Variants in SPON1 observed in about 807,000 individuals in gnomAD.
SPON1 encodes the protein spondin-1.
Under a neutral mutation model 111.7 loss-of-function variants are expected in SPON1, and 52 were observed. The observed-to-expected ratio is 0.47, with a 90% confidence interval of 0.37 to 0.59. The LOEUF is 0.59. Ranked by LOEUF, SPON1 falls within the 20% of genes least tolerant of loss-of-function variation. The pLI is 0.00. For synonymous variants in SPON1, 410 were observed against 395.8 expected, an observed-to-expected ratio of 1.04 and a Z score of -0.43; for missense variants, 957 against 1,068.5, an observed-to-expected ratio of 0.90 and a Z score of 1.46.
chr11:14,265,100 T>C (rs537371752), intron 15 of SPON1, among the ~76,000 whole-genome samples: 10 of 152,254 alleles, frequency 6.6e-5, no homozygotes, highest in Middle Eastern at 3.4e-3. Context: ...GGTGGCACAA[T>C]TGGACCAGAC....
At chr11:14,202,369 G>A (rs1346407670) in intron 6 of SPON1, among the ~76,000 whole-genome samples, 1 of 152,174 alleles carries the variant, frequency 6.6e-6, no homozygotes, top group Non-Finnish European at 1.5e-5. Flanking sequence ...TTTAGTGTAT[G>A]CAGCTTCTGT....
chr11:14,204,679 C>G (rs1848498671), intron 6 of SPON1, among the ~76,000 whole-genome samples: 1 of 148,074 alleles, frequency 6.8e-6, no homozygotes, highest in African/African-American at 2.5e-5. Flanking sequence ...AGATAAGATC[C>G]TCCCCATTCT....
At chr11:14,038,620 A>G (rs1848611406) in intron 2 of SPON1, among the ~76,000 whole-genome samples, 1 of 152,260 alleles carries the variant, frequency 6.6e-6, no homozygotes, top group South Asian at 2.1e-4. Context: ...ATCATACGTC[A>G]TTAGGGTGTT....
chr11:14,043,384 T>A (rs11023060), intron 3 of SPON1, among the ~76,000 whole-genome samples: 1 of 151,992 alleles, frequency 6.6e-6, no homozygotes, highest in South Asian at 2.1e-4. Flanking sequence ...AGTTGAAAGT[T>A]GGGGAGGTGG....
chr11:14,024,005 G>A (rs376756344), intron 2 of SPON1, among the ~76,000 whole-genome samples: 36 of 145,204 alleles, frequency 2.5e-4, no homozygotes, highest in Non-Finnish European at 2.1e-4. Flanking sequence ...CCATCTCAAA[G>A]AAAAAAAAAA....
chr11:14,112,534 G>A (rs1554925560), intron 5 of SPON1, among the ~76,000 whole-genome samples: 1 of 152,260 alleles, frequency 6.6e-6, no homozygotes, highest in Non-Finnish European at 1.5e-5. Flanking sequence ...TAGGACTAAT[G>A]TGAGGATGAA....
At chr11:14,129,443 T>C (rs1554927325) in intron 5 of SPON1, among the ~76,000 whole-genome samples, 1 of 152,176 alleles carries the variant, frequency 6.6e-6, no homozygotes, top group African/African-American at 2.4e-5. Context: ...GTGTAGCAAA[T>C]GTAACGTTTA....
intron 7 of SPON1, among the ~76,000 whole-genome samples, chr11:14,246,836 G>A (rs1848996168): frequency 6.6e-6 from 1 of 152,164 alleles, no homozygotes; most frequent in Non-Finnish European, 1.5e-5. Flanking sequence ...GTGCCATTAG[G>A]GGGGTTAGAG....
chr11:14,186,744 G>T (rs1395989874), intron 6 of SPON1, among the ~76,000 whole-genome samples: 1 of 151,982 alleles, frequency 6.6e-6, no homozygotes, highest in Admixed American at 6.6e-5. Context: ...TCAAATTTTT[G>T]ACCTCAGAGG....
At chr11:14,166,476 C>T (rs1374386820) in intron 6 of SPON1, among the ~76,000 whole-genome samples, 4 of 152,086 alleles carry the variant, frequency 2.6e-5, no homozygotes, top group African/African-American at 7.2e-5. Context: ...CCATGAGAGT[C>T]CTAGAAGTTT....
At chr11:13,966,312 C>G (rs918099187) in intron 1 of SPON1, among the ~76,000 whole-genome samples, 2 of 152,094 alleles carry the variant, frequency 1.3e-5, no homozygotes, top group Non-Finnish European at 2.9e-5. Context: ...TTAAAAATAA[C>G]AAGTTGAGGA....
At chr11:14,044,664 T>A (rs1848655297) in intron 3 of SPON1, among the ~76,000 whole-genome samples, 1 of 152,204 alleles carries the variant, frequency 6.6e-6, no homozygotes, top group Non-Finnish European at 1.5e-5. Context: ...ATTCCAGTTT[T>A]CTACACAAAG....
rs782306609 is a variant in SPON1, at chr11:14,057,831, C to CAAAAAAA, written c.479+16183_479+16189dup. Among the ~76,000 whole-genome samples the CAAAAAAA allele has an allele frequency of 3.4e-4, 34 of 100,548 alleles. 1 individual carries two copies. The highest frequency in any genetic ancestry group is 7.3e-4 in the African/African-American group (21 of 28,874). 66.0% of individuals were successfully genotyped at this position (100,548 alleles called of 152,430 possible). A position where few individuals can be genotyped will look rare whatever the true frequency, so the allele number is the denominator to read the frequency against. On this transcript the variant is annotated intron_variant, in intron 3 of 15. Coordinates refer to ENST00000576479, the MANE Select transcript of SPON1 (RefSeq NM_006108.4). ...AAAACGTAGTGAGACCTTGTCTCTA[C>CAAAAAAA]AAAAAAAAAAAACAAAACAAAAACT...
At chr11:14,039,708 C>T (rs1848619074) in intron 2 of SPON1, among the ~76,000 whole-genome samples, 1 of 151,910 alleles carries the variant, frequency 6.6e-6, no homozygotes, top group Non-Finnish European at 1.5e-5. Context: ...AAGTGCAAGC[C>T]ATAGGAGATA....
At chr11:13,972,855 G>A (rs1431502863) in intron 1 of SPON1, among the ~76,000 whole-genome samples, 1 of 152,158 alleles carries the variant, frequency 6.6e-6, no homozygotes, top group Non-Finnish European at 1.5e-5. Context: ...AAAAGGGAAT[G>A]CACTGATTCC....
At position 14,230,621 on chromosome 11, in the gene SPON1, G is replaced by A. The variant is rs146124083; in HGVS notation, c.826-12711G>A. Among the ~76,000 whole-genome samples, 139 of 152,298 alleles carry A rather than the reference G, an allele frequency of 9.1e-4. 2 individuals are homozygous for A. In the East Asian group the frequency reaches 0.025, roughly 27 times the overall value. ...TCAAGCCCATTGGGTCTAGAGGTCC[G>A]CCCTACTCTCCTCCACAGGCAGGGT... On this transcript the variant is annotated intron_variant, in intron 6 of 15. Transcript: ENST00000576479.
intron 2 of SPON1, among the ~76,000 whole-genome samples, chr11:14,022,726 T>C (rs535378821): frequency 6.6e-6 from 1 of 152,320 alleles, no homozygotes; most frequent in East Asian, 1.9e-4. Flanking sequence ...TCCCTGTTCA[T>C]CTAAAAAATC....
chr11:14,217,127 C>T (rs1848633729), intron 6 of SPON1, among the ~76,000 whole-genome samples: 1 of 152,156 alleles, frequency 6.6e-6, no homozygotes, highest in East Asian at 1.9e-4. Context: ...CTCAGTGATC[C>T]ATTTTTCATC....
chr11:14,260,529 G>A (rs1014406820), intron 13 of SPON1, 59 bp from the exon 14 acceptor site: 44 of 1,563,590 alleles, frequency 2.8e-5, no homozygotes, highest in Non-Finnish European at 3.7e-5. Context: ...GTGGGGTCAG[G>A]GAGATCAACG....
Sources: allele counts gnomAD v4.1 joint callset (sites outside exome capture counted in the v4.1 genomes callset), GRCh38; gene constraint gnomAD v4.1.1; transcripts MANE v1.5; gene names NCBI Gene and HGNC (gene_info 2026-07-23, HGNC 2026-07-21).